HUNK: variants seen among roughly 807,000 people sequenced by gnomAD.
The protein encoded by HUNK is hormonally up-regulated neu tumor-associated kinase.
A neutral mutation model predicts 61.0 loss-of-function variants in HUNK; 21 were observed. That is an observed-to-expected ratio of 0.34 (90% CI 0.24 to 0.50). HUNK has a LOEUF of 0.50. Ranked by LOEUF, HUNK falls within the 20% of genes least tolerant of loss-of-function variation. The pLI, the probability that HUNK is intolerant of heterozygous loss-of-function variation, is 0.98. For synonymous variants in HUNK, 371 were observed against 386.1 expected, an observed-to-expected ratio of 0.96 and a Z score of 0.46; for missense variants, 772 against 945.7, an observed-to-expected ratio of 0.82 and a Z score of 2.41.
intron 2 of HUNK, among the ~76,000 whole-genome samples, chr21:31,929,723 G>GC (rs1295342842): frequency 6.6e-6 from 1 of 152,234 alleles, no homozygotes; most frequent in Non-Finnish European, 1.5e-5. Context: ...ATCAAAGGGA[G>GC]CCCGAGCCTG....
At chr21:31,962,811 G>T (rs1874107541) in intron 5 of HUNK, among the ~76,000 whole-genome samples, 1 of 152,232 alleles carries the variant, frequency 6.6e-6, no homozygotes, top group South Asian at 2.1e-4. Context: ...GTCAAGTGAG[G>T]TGTTTGCACA....
At chr21:31,935,948 C>T (rs1264918007) in intron 2 of HUNK, among the ~76,000 whole-genome samples, 1 of 152,136 alleles carries the variant, frequency 6.6e-6, no homozygotes, top group Non-Finnish European at 1.5e-5. Context: ...AGGTGTGTGC[C>T]ACCACGCCTG....
intron 1 of HUNK, among the ~76,000 whole-genome samples, chr21:31,900,836 G>A (rs1333077401): frequency 2.6e-5 from 4 of 152,186 alleles, no homozygotes; most frequent in Non-Finnish European, 1.5e-5. Context: ...TACTGCATTC[G>A]TTTCCTGGGG....
At chr21:31,958,162 C>T (rs1042384402) in intron 4 of HUNK, among the ~76,000 whole-genome samples, 3 of 152,078 alleles carry the variant, frequency 2.0e-5, no homozygotes, top group Non-Finnish European at 4.4e-5. Flanking sequence ...CCTGCCATAA[C>T]ATTCGGAGAG....
chr21:31,915,211 A>T (rs766157448), intron 1 of HUNK, among the ~76,000 whole-genome samples: 6 of 152,106 alleles, frequency 3.9e-5, no homozygotes, highest in Non-Finnish European at 7.4e-5. Flanking sequence ...GAGATTAGAG[A>T]TGTTCAACCT....
At chr21:31,891,949 C>T (rs1017349678) in intron 1 of HUNK, among the ~76,000 whole-genome samples, 16 of 151,904 alleles carry the variant, frequency 1.1e-4, no homozygotes, top group African/African-American at 3.4e-4. Flanking sequence ...TATTCTAATC[C>T]GTTACATAAT....
At chr21:31,991,318 A>T (rs1416255297) in intron 9 of HUNK, among the ~76,000 whole-genome samples, 1 of 152,074 alleles carries the variant, frequency 6.6e-6, no homozygotes, top group African/African-American at 2.4e-5. Flanking sequence ...TTCCAAGCTC[A>T]AATGATTCTC....
intron 4 of HUNK, among the ~76,000 whole-genome samples, chr21:31,949,066 G>A (rs968122254): frequency 2.6e-5 from 4 of 152,236 alleles, no homozygotes; most frequent in Non-Finnish European, 4.4e-5. Context: ...CAGTTTGCAC[G>A]GATAGAAGAG....
chr21:31,909,486 C>T (rs1013228948), intron 1 of HUNK, among the ~76,000 whole-genome samples: 21 of 152,272 alleles, frequency 1.4e-4, no homozygotes, highest in Admixed American at 5.2e-4. Context: ...TTGCCCAGCA[C>T]CTGGTTCTGT....
chr21:31,903,341 T>C (rs1316272013), intron 1 of HUNK, among the ~76,000 whole-genome samples: 2 of 152,218 alleles, frequency 1.3e-5, no homozygotes, highest in African/African-American at 4.8e-5. Context: ...TAGAAATAAT[T>C]CTTTTATTGA....
At chr21:31,939,116 A>G (rs533867244) in intron 2 of HUNK, among the ~76,000 whole-genome samples, 2 of 151,448 alleles carry the variant, frequency 1.3e-5, no homozygotes, top group East Asian at 2.0e-4. Flanking sequence ...TCTCCCTTCC[A>G]CCTCCTCCCG....
intron 1 of HUNK, among the ~76,000 whole-genome samples, chr21:31,895,064 C>G (rs1413012220): frequency 1.3e-5 from 2 of 152,208 alleles, no homozygotes; most frequent in African/African-American, 4.8e-5. Flanking sequence ...TGGTCTCTTT[C>G]TTTGGCAAAG....
intron 1 of HUNK, among the ~76,000 whole-genome samples, chr21:31,893,941 C>T (rs1205282734): frequency 3.3e-5 from 5 of 152,146 alleles, no homozygotes; most frequent in South Asian, 4.1e-4. Context: ...CTTTAGCTTC[C>T]GGGACTGGGT....
chr21:31,983,546 C>T lies in HUNK; in HGVS notation c.1194C>T (p.Ser398=), dbSNP rs1280329656. The T allele has an allele frequency of 5.0e-6, 8 of 1,613,656 alleles. No homozygotes were observed. The highest frequency in any genetic ancestry group is 5.9e-6 in the Non-Finnish European group (7 of 1,179,848). Residue 398 remains serine (S), a synonymous_variant, in exon 8 of 11, where the codon AGC becomes AGT. Transcript: ENST00000270112. ...YLSGKSDIQD[S]LCYKTRLYQI... is the part of the protein sequence containing the mutation. ...GGTAGAAATCTGACATCCAGGACAG[C>T]CTCTGCTACAAGACCCGGCTCTACC... is the stretch of plus-strand genomic sequence containing the variant.
At chr21:31,979,770 C>T (rs1360499751) in intron 7 of HUNK, among the ~76,000 whole-genome samples, 1 of 152,074 alleles carries the variant, frequency 6.6e-6, no homozygotes, top group African/African-American at 2.4e-5. Context: ...CCACCTTGGC[C>T]TCCCAAAGTG....
At chr21:31,899,836 G>A (rs1038892486) in intron 1 of HUNK, among the ~76,000 whole-genome samples, 1 of 151,700 alleles carries the variant, frequency 6.6e-6, no homozygotes, top group African/African-American at 2.4e-5. Flanking sequence ...GGAGTTCAGT[G>A]GTGCGTTCTT....
intron 6 of HUNK, among the ~76,000 whole-genome samples, chr21:31,972,679 T>C (rs1026148193): frequency 6.6e-6 from 1 of 152,226 alleles, no homozygotes; most frequent in Non-Finnish European, 1.5e-5. Flanking sequence ...ATAAACAAAC[T>C]TGTTATTAAT....
chr21:31,888,002 T>C (rs532280899), intron 1 of HUNK, among the ~76,000 whole-genome samples: 1 of 152,058 alleles, frequency 6.6e-6, no homozygotes, highest in Non-Finnish European at 1.5e-5. Flanking sequence ...TGCTGGGCCA[T>C]GTCTTGGATG....
intron 2 of HUNK, among the ~76,000 whole-genome samples, chr21:31,933,780 GTC>G: frequency 7.6e-6 from 1 of 130,806 alleles, no homozygotes; most frequent in Non-Finnish European, 1.6e-5. Flanking sequence ...GCAAGACTCT[GTC>G]TCAAAAAAAA....
Sources: allele counts gnomAD v4.1 joint callset (sites outside exome capture counted in the v4.1 genomes callset), GRCh38; gene constraint gnomAD v4.1.1; transcripts MANE v1.5; gene names NCBI Gene and HGNC (gene_info 2026-07-23, HGNC 2026-07-21).